The following PARD3B variants were observed in gnomAD, a reference collection of about 807,000 sequenced individuals.
PARD3B encodes the protein par-3 family cell polarity regulator beta.
Under a neutral mutation model 130.2 loss-of-function variants are expected in PARD3B, and 103 were observed. The observed-to-expected ratio is 0.79, with a 90% CI of 0.67 to 0.93. The LOEUF is 0.93. PARD3B is among the 40% of genes least tolerant of loss of function. The pLI, the probability that PARD3B is intolerant of heterozygous loss-of-function variation, is 0.00. For synonymous variants in PARD3B, 583 were observed against 553.2 expected, an observed-to-expected ratio of 1.05 and a Z score of -0.76; for missense variants, 1,609 against 1,499.2, an observed-to-expected ratio of 1.07 and a Z score of -1.21.
intron 1 of PARD3B, among the ~76,000 whole-genome samples, chr2:204,584,957 G>A (rs73057284): frequency 3.3e-5 from 5 of 152,306 alleles, no homozygotes; most frequent in Admixed American, 1.3e-4. Context: ...TGCATCATCC[G>A]TAGGGTTGGA....
At chr2:204,828,830 A>G (rs1160818196) in intron 2 of PARD3B, among the ~76,000 whole-genome samples, 3 of 152,150 alleles carry the variant, frequency 2.0e-5, no homozygotes, top group Non-Finnish European at 2.9e-5. Context: ...TTGGCTCTCC[A>G]TTGTCTGCAG....
At chr2:205,578,376 C>A (rs1321520482) in intron 22 of PARD3B, among the ~76,000 whole-genome samples, 1 of 152,094 alleles carries the variant, frequency 6.6e-6, no homozygotes, top group Non-Finnish European at 1.5e-5. Flanking sequence ...ACAAGATCCC[C>A]CCCAAAAAAG....
intron 20 of PARD3B, among the ~76,000 whole-genome samples, chr2:205,466,910 A>T (rs2048644534): frequency 6.6e-6 from 1 of 152,120 alleles, no homozygotes; most frequent in African/African-American, 2.4e-5. Flanking sequence ...ACAGGGTTTC[A>T]CCATGTTGGC....
intron 16 of PARD3B, among the ~76,000 whole-genome samples, chr2:205,277,479 G>GTT (rs2040995759): frequency 6.6e-6 from 1 of 152,116 alleles, no homozygotes; most frequent in Non-Finnish European, 1.5e-5. Flanking sequence ...AATACATTGT[G>GTT]GTAATAGAAA....
rs1553634033 is a variant in PARD3B at position 205,183,730 on chromosome 2, T to TG, written c.1925-2034_1925-2033insG. The stretch of plus-strand genomic sequence containing the variant: ...GGTTCTGCAGAGAAACAGAACCAAG[T>TG]TGTGTGTGTGTGTGTGTGTGTGTGT... On this transcript the variant is annotated intron_variant, in intron 13 of 22. Coordinates refer to ENST00000406610, the MANE Select transcript of PARD3B (RefSeq NM_001302769.2). This position sits in a 1 kb window ranked among gnomAD's most constrained non-coding sequence, Gnocchi z 5.2. 1.2e-4 allele frequency among the ~76,000 whole-genome samples: 16 copies of TG among 138,252 alleles called. No homozygotes were observed. The highest frequency in any genetic ancestry group is 4.0e-4 in the African/African-American group (15 of 37,174). 90.7% of individuals were successfully genotyped at this position (138,252 alleles called of 152,430 possible).
intron 12 of PARD3B, among the ~76,000 whole-genome samples, chr2:205,174,063 A>G (rs1186902939): frequency 6.6e-6 from 1 of 152,206 alleles, no homozygotes; most frequent in Admixed American, 6.5e-5. Flanking sequence ...AGAAATGACT[A>G]TGGTTCTAAA....
intron 21 of PARD3B, among the ~76,000 whole-genome samples, chr2:205,521,128 C>T (rs4140719): frequency 0.93 from 141,700 of 151,624 alleles, 66,949 homozygotes; most frequent in East Asian, 1. Context: ...TGAACAAATA[C>T]TAATGGTCTG....
rs1365745780 is a variant in PARD3B at position 205,341,376 on chromosome 2, G to A, written c.2630+39675G>A. ...TAACAGATGAGTAATTAAAGAAAAT[G>A]TGGTATATATACACAATGGAATACT... On this transcript the variant is annotated intron_variant, in intron 18 of 22. Transcript: ENST00000406610. The surrounding 1 kb of genome is among the most constrained non-coding windows in gnomAD (Gnocchi z 4.3). Among the ~76,000 whole-genome samples, 1 of 152,094 alleles carries A rather than the reference G, an allele frequency of 6.6e-6. No homozygotes were observed. Among genetic ancestry groups the A allele is most frequent in the Non-Finnish European group, 1.5e-5 (1 of 67,992 alleles).
intron 2 of PARD3B, among the ~76,000 whole-genome samples, chr2:204,714,742 C>T (rs1366620844): frequency 2.0e-5 from 3 of 152,204 alleles, no homozygotes; most frequent in Non-Finnish European, 2.9e-5. Context: ...GCTCTGATAA[C>T]TTCATTCCTC....
chr2:205,381,013 G>T (rs2045393388), intron 18 of PARD3B, among the ~76,000 whole-genome samples: 1 of 34,118 alleles, frequency 2.9e-5, no homozygotes, highest in Non-Finnish European at 5.9e-5. Context: ...ATAATATAAA[G>T]AATATATATG....
chr2:204,605,552 T>G (rs969052115), intron 1 of PARD3B, among the ~76,000 whole-genome samples: 8 of 152,162 alleles, frequency 5.3e-5, no homozygotes, highest in African/African-American at 9.7e-5. Context: ...GTGTCTCATC[T>G]CCTATTATGG....
chr2:205,167,684 C>A (rs2034898407), intron 11 of PARD3B, among the ~76,000 whole-genome samples: 1 of 152,098 alleles, frequency 6.6e-6, no homozygotes, highest in Non-Finnish European at 1.5e-5. Context: ...TAATATAGTG[C>A]CTTTAATAAT....
chr2:204,884,340 G>A (rs1004792155), intron 2 of PARD3B, among the ~76,000 whole-genome samples: 5 of 152,134 alleles, frequency 3.3e-5, no homozygotes, highest in African/African-American at 4.8e-5. Flanking sequence ...ATAGAATAGT[G>A]TGTTTATAAT....
rs1345170555 is a variant in PARD3B, at chr2:205,287,266, A to G, written c.2186-13264A>G. On this transcript the variant is annotated intron_variant, in intron 16 of 22. Transcript: ENST00000406610. The surrounding 1 kb of genome is among the most constrained non-coding windows in gnomAD (Gnocchi z 4.8). Reference sequence around the variant, plus strand: ...GTCAAGACTGTGAGTTACAATGGAAAGAAAACAATTTCAAACTAGTTTTGC... The same window carrying G: ...GTCAAGACTGTGAGTTACAATGGAAGGAAAACAATTTCAAACTAGTTTTGC... Among the ~76,000 whole-genome samples the G allele has an allele frequency of 6.6e-6, 1 of 152,246 alleles. No homozygotes were observed. Among genetic ancestry groups the G allele is most frequent in the Non-Finnish European group, 1.5e-5 (1 of 68,042 alleles).
chr2:204,981,856 G>A (rs2125211970), intron 3 of PARD3B, among the ~76,000 whole-genome samples: 1 of 152,246 alleles, frequency 6.6e-6, no homozygotes, highest in South Asian at 2.1e-4. Context: ...GAGTTGGGGA[G>A]TGAGTAGTGC....
At position 205,060,592 on chromosome 2, in the gene PARD3B, C is replaced by T. The variant is rs368274146; in HGVS notation, c.504+12902C>T. On this transcript the variant is annotated intron_variant, in intron 4 of 22. Transcript: ENST00000406610. ...GGAAGATTGTCTTCTATATTGGCCA[C>T]GGTGGAATTGCAAGGTTAATGCCTT... Among the ~76,000 whole-genome samples the T allele has an allele frequency of 1.9e-3, 294 of 152,120 alleles. 4 individuals carry two copies. In the South Asian group the frequency reaches 0.021, roughly 11 times the overall value.
chr2:204,579,353 C>T (rs569539596), intron 1 of PARD3B, among the ~76,000 whole-genome samples: 4 of 152,006 alleles, frequency 2.6e-5, no homozygotes, highest in Admixed American at 6.6e-5. Context: ...TTGTGCCCCT[C>T]GAGCAGCAGT....
In PARD3B at chr2:205,444,279, G is replaced by A. The variant is rs79842583; in HGVS notation, c.3044+3607G>A. 9.8e-3 allele frequency among the ~76,000 whole-genome samples: 1,492 copies of A among 152,158 alleles called. 12 individuals carry two copies. Among genetic ancestry groups the A allele is most frequent in the South Asian group, 0.014 (69 of 4,822 alleles). ...ATTACAGGCATGAGCCACCATACCC[G>A]GCCTCTACAAAAGTTTTTTTTTTAA... On this transcript the variant is annotated intron_variant, in intron 20 of 22. Transcript: ENST00000406610.
At chr2:204,900,638 GT>G (rs2046820433) in intron 2 of PARD3B, among the ~76,000 whole-genome samples, 1 of 152,134 alleles carries the variant, frequency 6.6e-6, no homozygotes, top group South Asian at 2.1e-4. Context: ...TTACTTGTTT[GT>G]TTTGTGAGGT....
Sources: gnomAD v4.1 joint callset for allele counts (sites outside exome capture counted in the v4.1 genomes callset) on GRCh38, gnomAD v4.1.1 for gene constraint, Gnocchi (gnomAD v3.1) non-coding constraint, MANE v1.5 for transcripts, NCBI Gene and HGNC (gene_info 2026-07-23, HGNC 2026-07-21) for gene names.